Variants in CMPK1 observed in about 807,000 individuals in gnomAD.
CMPK1 encodes the protein UMP-CMP kinase.
A neutral mutation model predicts 25.7 loss-of-function variants in CMPK1; 10 were observed. The ratio of observed to expected loss-of-function variants is 0.39; its 90% CI spans 0.24 to 0.66. The LOEUF (loss-of-function observed/expected upper bound fraction) is 0.66. Among genes scored for constraint, CMPK1 ranks in the 30% least tolerant of loss-of-function variants. The pLI, the probability that CMPK1 is intolerant of heterozygous loss-of-function variation, is 0.48. For missense variants in CMPK1, 199 were observed against 280.5 expected, an observed-to-expected ratio of 0.71 and a Z score of 2.08; for synonymous variants, 106 against 101.5, an observed-to-expected ratio of 1.04 and a Z score of -0.27.
chr1:47,374,900 T>C lies in CMPK1; in HGVS notation c.472-9T>C. The C allele has an allele frequency of 6.3e-7, 1 of 1,592,746 alleles. No homozygotes were observed. The highest frequency in any genetic ancestry group is 8.6e-7 in the Non-Finnish European group (1 of 1,162,918). ...TCTATATTTTTAATAACTTTGTATC[T>C]CTTTTTAGATTTGTATTGAACGATG... On this transcript the variant is annotated splice_polypyrimidine_tract_variant and intron_variant, in intron 3 of 5. Transcript: ENST00000371873.
chr1:47,363,693 C>T (rs1646619262), intron 1 of CMPK1, among the ~76,000 whole-genome samples: 1 of 151,642 alleles, frequency 6.6e-6, no homozygotes, highest in Non-Finnish European at 1.5e-5. Flanking sequence ...GCTTGTAATC[C>T]CAACACTTTG....
At chr1:47,374,850 A>G in intron 3 of CMPK1, 59 bp from the exon 4 acceptor site, 1 of 1,280,204 alleles carries the variant, frequency 7.8e-7, no homozygotes, top group Non-Finnish European at 1.1e-6. Flanking sequence ...TTTTCTTTGC[A>G]GGTTAAAAGA....
At chr1:47,375,749 C>A (rs1351737857) in intron 5 of CMPK1, among the ~76,000 whole-genome samples, 3 of 152,208 alleles carry the variant, frequency 2.0e-5, no homozygotes, top group Non-Finnish European at 4.4e-5. Context: ...AGTAGCACCA[C>A]AGGTGAAGGT....
chr1:47,362,112 C>G (rs184271590), intron 1 of CMPK1, among the ~76,000 whole-genome samples: 1 of 150,836 alleles, frequency 6.6e-6, no homozygotes, highest in African/African-American at 2.4e-5. Context: ...TCAGGTGATT[C>G]GCCTGCCTTG....
chr1:47,342,883 T>G (rs1436941417), intron 1 of CMPK1, among the ~76,000 whole-genome samples: 2 of 151,534 alleles, frequency 1.3e-5, no homozygotes, highest in African/African-American at 4.8e-5. Context: ...CTCCTGGCTT[T>G]GTGATTCACC....
At chr1:47,337,979 C>T (rs1427731797) in intron 1 of CMPK1, among the ~76,000 whole-genome samples, 2 of 151,992 alleles carry the variant, frequency 1.3e-5, no homozygotes, top group Non-Finnish European at 2.9e-5. Flanking sequence ...TTTATTTTGA[C>T]TCAATATTTT....
intron 1 of CMPK1, among the ~76,000 whole-genome samples, chr1:47,338,126 C>T (rs192587455): frequency 6.6e-6 from 1 of 152,158 alleles, no homozygotes; most frequent in Admixed American, 6.6e-5. Context: ...TCACAGGGCA[C>T]CTGAAATTGT....
intron 1 of CMPK1, among the ~76,000 whole-genome samples, chr1:47,340,454 AT>A (rs1646433349): frequency 6.6e-6 from 1 of 152,116 alleles, no homozygotes; most frequent in Non-Finnish European, 1.5e-5. Flanking sequence ...CAGATTTCTC[AT>A]GTAACACTTT....
In CMPK1 at chr1:47,358,352, A is replaced by G. The variant is rs371581210; in HGVS notation, c.172-10117A>G. ...GATCTCAAACTCCTGGCCTCGAGCAACCCTCTCGTCTTGACCTTCCAAAGT... is the reference window on the plus strand; with the variant it reads ...GATCTCAAACTCCTGGCCTCGAGCAGCCCTCTCGTCTTGACCTTCCAAAGT... On this transcript the variant is annotated intron_variant, in intron 1 of 5. Transcript: ENST00000371873. 8.4e-6 allele frequency: 9 copies of G among 1,070,272 alleles called. No homozygotes were observed. In the East Asian group the frequency reaches 3.6e-4, roughly 42 times the overall value. 66.3% of individuals were successfully genotyped at this position (1,070,272 alleles called of 1,614,324 possible). A position where few individuals can be genotyped will look rare whatever the true frequency, so the allele number is the denominator to read the frequency against.
At chr1:47,367,814 C>CT (rs377179388) in intron 1 of CMPK1, among the ~76,000 whole-genome samples, 1 of 152,120 alleles carries the variant, frequency 6.6e-6, no homozygotes. Context: ...GTCACCCAGG[C>CT]TGGAGGGCAG....
In CMPK1 at chr1:47,358,822, T is replaced by C. The variant is rs1183922618; in HGVS notation, c.172-9647T>C. On this transcript the variant is annotated intron_variant, in intron 1 of 5. Transcript: ENST00000371873. ...TTTAGGATTCTGTCTCCTTTGTACATTTTTCTGGTGTTGATTCTTAAATTC... is the reference window on the plus strand; with the variant it reads ...TTTAGGATTCTGTCTCCTTTGTACACTTTTCTGGTGTTGATTCTTAAATTC... The C allele has an allele frequency of 5.1e-6, 5 of 984,030 alleles. No individual in the cohort carries two copies. In the African/African-American group the frequency reaches 8.7e-5, roughly 17 times the overall value. The allele number at this position is 984,030 out of a possible 1,614,324, so 61.0% of individuals were successfully genotyped here. A position where few individuals can be genotyped will look rare whatever the true frequency, so the allele number is the denominator to read the frequency against.
At chr1:47,374,852 G>A in intron 3 of CMPK1, 57 bp from the exon 4 acceptor site, 9 of 1,362,644 alleles carry the variant, frequency 6.6e-6, no homozygotes, top group Admixed American at 1.9e-5. Flanking sequence ...TTCTTTGCAG[G>A]TTAAAAGAAT....
At chr1:47,375,403 CA>C (rs1646701355) in intron 5 of CMPK1, 110 bp downstream of exon 5, 1 of 714,274 alleles carries the variant, frequency 1.4e-6, no homozygotes, top group African/African-American at 1.8e-5. Flanking sequence ...GTTAGTTTTT[CA>C]AGACACTGGA....
At chr1:47,349,892 G>A (rs895654490) in intron 1 of CMPK1, among the ~76,000 whole-genome samples, 20 of 151,598 alleles carry the variant, frequency 1.3e-4, no homozygotes, top group Non-Finnish European at 2.7e-4. Flanking sequence ...TGCAATCTCC[G>A]CCTCCCGGTT....
intron 1 of CMPK1, among the ~76,000 whole-genome samples, chr1:47,353,790 C>T (rs781316122): frequency 7.1e-4 from 108 of 152,160 alleles, no homozygotes; most frequent in Non-Finnish European, 1.3e-3. Flanking sequence ...GATCTTGGCT[C>T]ACTTCAACTT....
chr1:47,359,678 C>A (rs1646588742), intron 1 of CMPK1, among the ~76,000 whole-genome samples: 1 of 152,008 alleles, frequency 6.6e-6, no homozygotes. Flanking sequence ...CCTGAGCCCC[C>A]ACACCTGGCC....
At chr1:47,351,147 G>A (rs112157595) in intron 1 of CMPK1, among the ~76,000 whole-genome samples, 6 of 152,072 alleles carry the variant, frequency 3.9e-5, no homozygotes, top group African/African-American at 1.4e-4. Context: ...TCAGTGGCAC[G>A]ATCTCAGCTC....
chr1:47,375,246 G>A lies in CMPK1; in HGVS notation c.598G>A (p.Glu200Lys), dbSNP rs1229803247. The change falls in exon 5 of 6, where the codon GAA (glutamate) becomes AAA (lysine). Residue 200 changes from glutamate (E) to lysine (K), a missense_variant. By Grantham distance (56) the Glu-to-Lys change is moderately conservative. This residue lies in a region of CMPK1 where 140 missense variants were observed against 235.5 expected (regional missense o/e 0.59). Transcript: ENST00000371873. ...STKPIIDLYE[E>K]MGKVKKIDAS... ...AAAGCCAATTATTGACTTATATGAAGAAATGGGGAAAGTCAAGAAAATAGA... is the reference window on the plus strand; with the variant it reads ...AAAGCCAATTATTGACTTATATGAAAAAATGGGGAAAGTCAAGAAAATAGA... 6.2e-7 allele frequency: 1 copy of A among 1,608,504 alleles called. No homozygotes were observed. Among genetic ancestry groups the A allele is most frequent in the Non-Finnish European group, 8.5e-7 (1 of 1,178,576 alleles).
At chr1:47,342,460 A>T (rs1646448037) in intron 1 of CMPK1, among the ~76,000 whole-genome samples, 1 of 152,106 alleles carries the variant, frequency 6.6e-6, no homozygotes, top group Admixed American at 6.6e-5. Context: ...CTCACAGATG[A>T]TAATGTTTAC....
Sources: gnomAD v4.1 joint callset for allele counts (sites outside exome capture counted in the v4.1 genomes callset) on GRCh38, gnomAD v4.1.1 for gene constraint, gnomAD v4.1.1 regional missense constraint, MANE v1.5 for transcripts, NCBI Gene and HGNC (gene_info 2026-07-23, HGNC 2026-07-21) for gene names.